VAT1L: variants seen among roughly 807,000 people sequenced by gnomAD.
The protein encoded by VAT1L is vesicle amine transport 1 like.
VAT1L carries 34 observed loss-of-function variants against 44.1 expected under a neutral mutation model. The observed-to-expected ratio is 0.77, with a 90% CI of 0.59 to 1.03. The LOEUF is 1.03. VAT1L is among the 50% of genes least tolerant of loss of function. The pLI is 0.00. For missense variants in VAT1L, 615 were observed against 538.8 expected, an observed-to-expected ratio of 1.14 and a Z score of -1.40; for synonymous variants, 253 against 202.2, an observed-to-expected ratio of 1.25 and a Z score of -2.13.
chr16:77,953,179 G>A (rs1425473439), intron 7 of VAT1L, among the ~76,000 whole-genome samples: 1 of 152,114 alleles, frequency 6.6e-6, no homozygotes, highest in African/African-American at 2.4e-5. Flanking sequence ...AGAAAATAAT[G>A]GAAAAGATTC....
chr16:77,932,879 CAGG>C (rs2017748677), intron 7 of VAT1L, among the ~76,000 whole-genome samples: 1 of 152,194 alleles, frequency 6.6e-6, no homozygotes, highest in Admixed American at 6.5e-5. Context: ...AGATAGCTCG[CAGG>C]AGAATGAATG....
chr16:77,926,830 G>T (rs1269191268), intron 7 of VAT1L, among the ~76,000 whole-genome samples: 3 of 152,010 alleles, frequency 2.0e-5, no homozygotes, highest in South Asian at 4.2e-4. Context: ...GTCTCCCTTG[G>T]TGGGGACACC....
intron 3 of VAT1L, among the ~76,000 whole-genome samples, chr16:77,826,490 C>T (rs949884346): frequency 2.0e-5 from 3 of 152,168 alleles, no homozygotes; most frequent in Non-Finnish European, 2.9e-5. Context: ...AACCTAAGTA[C>T]ATTCATGAAA....
chr16:77,968,814 G>A (rs954985060), intron 7 of VAT1L, among the ~76,000 whole-genome samples: 1 of 152,100 alleles, frequency 6.6e-6, no homozygotes, highest in African/African-American at 2.4e-5. Context: ...ACTGTATTTT[G>A]CAAGAATCAA....
intron 3 of VAT1L, among the ~76,000 whole-genome samples, chr16:77,838,366 G>A (rs1431373101): frequency 6.6e-6 from 1 of 152,218 alleles, no homozygotes; most frequent in Non-Finnish European, 1.5e-5. Context: ...TGAGGCGCGT[G>A]GTCTCTGTTC....
intron 7 of VAT1L, among the ~76,000 whole-genome samples, chr16:77,919,052 T>A (rs563941994): frequency 6.6e-6 from 1 of 152,164 alleles, no homozygotes; most frequent in Non-Finnish European, 1.5e-5. Flanking sequence ...GCTGTGCCAA[T>A]AGGGGAGAGG....
intron 7 of VAT1L, among the ~76,000 whole-genome samples, chr16:77,924,219 C>T (rs1391662684): frequency 6.6e-6 from 1 of 150,776 alleles, no homozygotes; most frequent in Non-Finnish European, 1.5e-5. Flanking sequence ...TCAATATTTG[C>T]TATTTTCTAG....
chr16:77,825,300 T>G lies in VAT1L; in HGVS notation c.418T>G (p.Cys140Gly), dbSNP rs773852471. The change falls in exon 3 of 9, where the codon TGC becomes GGC. Residue 140 changes from cysteine to glycine, a missense_variant. Transcript: ENST00000302536. ...VNYNAWAEVV[C>G]TPVEFVYKIP... is the part of the protein sequence containing the mutation. ...TTACAATGCCTGGGCAGAGGTGGTCTGCACACCAGTGGAGTTTGTCTACAA... is the reference window on the plus strand; with the variant it reads ...TTACAATGCCTGGGCAGAGGTGGTCGGCACACCAGTGGAGTTTGTCTACAA... 1 of 1,614,214 alleles carries G rather than the reference T, an allele frequency of 6.2e-7. No individual in the cohort carries two copies. Among genetic ancestry groups the G allele is most frequent in the Non-Finnish European group, 8.5e-7 (1 of 1,180,048 alleles).
chr16:77,918,520 C>G (rs1277547454), intron 7 of VAT1L, among the ~76,000 whole-genome samples: 1 of 152,160 alleles, frequency 6.6e-6, no homozygotes, highest in Non-Finnish European at 1.5e-5. Flanking sequence ...CTCCTTGTCC[C>G]CTTCCTCAAC....
intron 4 of VAT1L, among the ~76,000 whole-genome samples, chr16:77,864,155 GC>G (rs202100186): frequency 0.012 from 1,756 of 152,308 alleles, 33 homozygotes; most frequent in African/African-American, 0.04. Flanking sequence ...ATTGCTCTGG[GC>G]CCCAGGCTTG....
intron 7 of VAT1L, among the ~76,000 whole-genome samples, chr16:77,926,708 A>G (rs1052104693): frequency 1.3e-5 from 2 of 152,166 alleles, no homozygotes; most frequent in African/African-American, 4.8e-5. Flanking sequence ...AGTCCTCACC[A>G]ACCTCTATGC....
chr16:77,929,648 T>C (rs763358354), intron 7 of VAT1L, among the ~76,000 whole-genome samples: 6 of 152,182 alleles, frequency 3.9e-5, no homozygotes, highest in African/African-American at 1.2e-4. Context: ...TTTGGTGAGA[T>C]AGAGAGCCCT....
chr16:77,965,006 C>A (rs139715781), intron 7 of VAT1L, among the ~76,000 whole-genome samples: 1 of 151,694 alleles, frequency 6.6e-6, no homozygotes, highest in Non-Finnish European at 1.5e-5. Context: ...GTCAGGCTAG[C>A]CTTGAACTCC....
At chr16:77,914,677 A>T (rs2017533314) in intron 7 of VAT1L, among the ~76,000 whole-genome samples, 1 of 152,248 alleles carries the variant, frequency 6.6e-6, no homozygotes, top group Admixed American at 6.5e-5. Flanking sequence ...ATTTAATAAC[A>T]CCAAATTGAT....
intron 3 of VAT1L, among the ~76,000 whole-genome samples, chr16:77,827,805 GTATGGTGAA>G (rs2016540358): frequency 6.6e-6 from 1 of 152,182 alleles, no homozygotes; most frequent in South Asian, 2.1e-4. Context: ...CATAAGAAAT[GTATGGTGAA>G]ATGCAATAAA....
intron 3 of VAT1L, among the ~76,000 whole-genome samples, chr16:77,841,753 A>G (rs764483234): frequency 2.0e-5 from 3 of 152,196 alleles, no homozygotes; most frequent in Non-Finnish European, 4.4e-5. Flanking sequence ...TGAGCTCTAC[A>G]TGGGGGTGGA....
In VAT1L at chr16:77,843,551, T is replaced by G. The variant is rs1366661; in HGVS notation, c.579+18090T>G. Among the ~76,000 whole-genome samples, 1,347 of 152,252 alleles carry G rather than the reference T, an allele frequency of 8.8e-3. 22 individuals are homozygous for G. Among genetic ancestry groups the G allele is most frequent in the African/African-American group, 0.03 (1,262 of 41,536 alleles). On this transcript the variant is annotated intron_variant, in intron 3 of 8. Coordinates refer to ENST00000302536, the MANE Select transcript of VAT1L (RefSeq NM_020927.3). ...GTGAGGCTGAAAGCCAGGATTTGAG[T>G]TGATTAGGAGACACGTCCAGTCAGG...
chr16:77,788,616 C>A lies in VAT1L; in HGVS notation c.-67C>A. On this transcript the variant is annotated 5_prime_UTR_variant, in exon 1 of 9. Transcript: ENST00000302536. Reference sequence around the variant, plus strand: ...ACAGGAGGAACCCGCGGGAGAGGAGCCCCACTCCCCCAGCGCCGCAGCCAC... The same window carrying A: ...ACAGGAGGAACCCGCGGGAGAGGAGACCCACTCCCCCAGCGCCGCAGCCAC... The A allele has an allele frequency of 5.3e-6, 8 of 1,515,354 alleles. No homozygotes were observed. Among genetic ancestry groups the A allele is most frequent in the South Asian group, 4.8e-5 (4 of 82,492 alleles). 93.9% of individuals were successfully genotyped at this position (1,515,354 alleles called of 1,614,324 possible). A position where few individuals can be genotyped will look rare whatever the true frequency, so the allele number is the denominator to read the frequency against.
intron 7 of VAT1L, among the ~76,000 whole-genome samples, chr16:77,936,390 C>T (rs2017796931): frequency 6.6e-6 from 1 of 152,152 alleles, no homozygotes; most frequent in South Asian, 2.1e-4. Flanking sequence ...CTCCTCAAGT[C>T]ACCACGCAGG....
Sources: allele counts gnomAD v4.1 joint callset (sites outside exome capture counted in the v4.1 genomes callset), GRCh38; gene constraint gnomAD v4.1.1; transcripts MANE v1.5; gene names NCBI Gene and HGNC (gene_info 2026-07-23, HGNC 2026-07-21).